The following LUC7L2 variants were observed in gnomAD, a reference collection of about 807,000 sequenced individuals.
LUC7L2 encodes putative RNA-binding protein Luc7-like 2.
Under a neutral mutation model 52.8 loss-of-function variants are expected in LUC7L2, and 25 were observed. That is an observed-to-expected ratio of 0.47 (90% CI 0.34 to 0.66). LUC7L2 has a LOEUF of 0.66. Ranked by LOEUF, LUC7L2 falls within the 30% of genes least tolerant of loss-of-function variation. LUC7L2 has a pLI of 0.01. For synonymous variants in LUC7L2, 144 were observed against 160.9 expected, an observed-to-expected ratio of 0.89 and a Z score of 0.80; for missense variants, 328 against 497.8, an observed-to-expected ratio of 0.66 and a Z score of 3.25.
chr7:139,409,698 T>C, intron 7 of LUC7L2, 44 bp downstream of exon 7: 1 of 1,529,596 alleles, frequency 6.5e-7, no homozygotes, highest in Non-Finnish European at 8.8e-7. Flanking sequence ...ATCTCTGTGG[T>C]TCTAAAAAGA....
intron 1 of LUC7L2, chr7:139,374,316 G>A (rs1404572406): frequency 2.0e-5 from 19 of 955,522 alleles, no homozygotes; most frequent in Non-Finnish European, 3.1e-5. Context: ...CAGTCAACAT[G>A]TACTTCTAGA....
At chr7:139,341,912 C>T (rs1275466576) in intron 1 of LUC7L2, among the ~76,000 whole-genome samples, 1 of 152,198 alleles carries the variant, frequency 6.6e-6, no homozygotes, top group Admixed American at 6.5e-5. Context: ...AAAGCCACAG[C>T]ATCTGGCCAA....
intron 1 of LUC7L2, chr7:139,341,377 A>G (rs1201013823): frequency 1.2e-6 from 2 of 1,611,202 alleles, no homozygotes; most frequent in African/African-American, 1.3e-5. Flanking sequence ...TCGGAGAAGG[A>G]CAGGACAATG....
chr7:139,344,695 CTTTTTTTTTT>C (rs1026301999), intron 1 of LUC7L2, among the ~76,000 whole-genome samples: 1 of 116,362 alleles, frequency 8.6e-6, no homozygotes, highest in Non-Finnish European at 1.8e-5. Flanking sequence ...AATTTTCTTT[CTTTTTTTTTT>C]TTTTTTTTTT....
chr7:139,343,662 C>T (rs1357102574), intron 1 of LUC7L2, among the ~76,000 whole-genome samples: 1 of 152,078 alleles, frequency 6.6e-6, no homozygotes, highest in East Asian at 1.9e-4. Flanking sequence ...AGGCCAGGAG[C>T]GGTGGCTCAC....
Position 139,409,662 on chromosome 7 carries a change from G to A in LUC7L2, c.779+8G>A, listed in dbSNP as rs374130435. The A allele has an allele frequency of 2.7e-4, 430 of 1,593,116 alleles. 6 individuals carry two copies. The South Asian group carries it at 4.6e-3, about 17-fold the overall frequency. ...AAGGGAGAAGCTGAGGAGGTATGGA[G>A]TAATGGGCCAAGTAATTGAAGTTGA... is the stretch of plus-strand genomic sequence containing the variant. On this transcript the variant is annotated splice_region_variant and intron_variant, in intron 7 of 9. Transcript: ENST00000354926.
At chr7:139,408,907 G>A (rs527411710) in intron 6 of LUC7L2, among the ~76,000 whole-genome samples, 3 of 151,792 alleles carry the variant, frequency 2.0e-5, no homozygotes, top group African/African-American at 7.3e-5. Context: ...CAGCACTTTG[G>A]GATGCCAAGG....
intron 8 of LUC7L2, among the ~76,000 whole-genome samples, chr7:139,413,969 T>C (rs1162148336): frequency 1.3e-5 from 2 of 152,272 alleles, no homozygotes; most frequent in Admixed American, 1.3e-4. Context: ...TATTGTTTAC[T>C]GTTTGATTAA....
chr7:139,345,055 A>C (rs1245094741), intron 1 of LUC7L2: 1 of 157,928 alleles, frequency 6.3e-6, no homozygotes, highest in East Asian at 1.9e-4. Context: ...ATGCCACATT[A>C]ATCAAAGTCA....
chr7:139,401,027 G>T (rs1427635649), intron 3 of LUC7L2, among the ~76,000 whole-genome samples: 3 of 152,076 alleles, frequency 2.0e-5, no homozygotes, highest in Non-Finnish European at 4.4e-5. Flanking sequence ...GTAAGATTTG[G>T]AAGTCCAAAC....
intron 7 of LUC7L2, among the ~76,000 whole-genome samples, chr7:139,410,799 A>T (rs1054257572): frequency 6.6e-6 from 1 of 152,258 alleles, no homozygotes; most frequent in African/African-American, 2.4e-5. Context: ...CATATTATAT[A>T]CTCAGTATAT....
At chr7:139,413,923 A>G (rs927109055) in intron 8 of LUC7L2, among the ~76,000 whole-genome samples, 2 of 152,234 alleles carry the variant, frequency 1.3e-5, no homozygotes, top group African/African-American at 2.4e-5. Context: ...TCTCTGATCT[A>G]GCATGATAAG....
chr7:139,365,343 CAA>C (rs1178055247), intron 1 of LUC7L2, among the ~76,000 whole-genome samples: 1 of 152,072 alleles, frequency 6.6e-6, no homozygotes, highest in African/African-American at 2.4e-5. Context: ...ATAAGCAAAA[CAA>C]AGAAAAATCA....
At chr7:139,359,653 C>G, upstream of LUC7L2, 1 of 397,718 alleles carries the variant, frequency 2.5e-6, no homozygotes, top group Non-Finnish European at 4.4e-6. Context: ...TAGCCGCCAG[C>G]CCTACAGCCG....
At chr7:139,395,049 G>A (rs371905507) in intron 2 of LUC7L2, among the ~76,000 whole-genome samples, 16 of 152,242 alleles carry the variant, frequency 1.1e-4, no homozygotes, top group African/African-American at 2.9e-4. Context: ...GAACCACAGT[G>A]GATCAAAAAG....
intron 7 of LUC7L2, among the ~76,000 whole-genome samples, chr7:139,410,551 CAT>C (rs57048346): frequency 0.38 from 58,265 of 151,954 alleles, 15,566 homozygotes; most frequent in African/African-American, 0.76. Context: ...GCTAAAATCA[CAT>C]AGCATCATGG....
At chr7:139,395,649 T>G (rs1168884816) in intron 2 of LUC7L2, among the ~76,000 whole-genome samples, 1 of 152,138 alleles carries the variant, frequency 6.6e-6, no homozygotes, top group Non-Finnish European at 1.5e-5. Flanking sequence ...TTCTGTTTGT[T>G]TTTACTTTTG....
At chr7:139,361,818 A>G (rs1224780451) in intron 1 of LUC7L2, among the ~76,000 whole-genome samples, 1 of 152,200 alleles carries the variant, frequency 6.6e-6, no homozygotes, top group Non-Finnish European at 1.5e-5. Flanking sequence ...AGCTAACAGA[A>G]TAACTAATCT....
chr7:139,417,247 C>T (rs1795663149), intron 8 of LUC7L2: 1 of 297,756 alleles, frequency 3.4e-6, no homozygotes, highest in Non-Finnish European at 6.5e-6. Context: ...CGCCATGTTG[C>T]CTAGGCTGGT....
Sources: gnomAD v4.1 joint callset for allele counts (sites outside exome capture counted in the v4.1 genomes callset) on GRCh38, gnomAD v4.1.1 for gene constraint, MANE v1.5 for transcripts, NCBI Gene and HGNC (gene_info 2026-07-23, HGNC 2026-07-21) for gene names.